Variants in RPS6KA3 observed in about 807,000 individuals in gnomAD.
RPS6KA3 encodes ribosomal protein S6 kinase alpha-3.
Under a neutral mutation model 67.2 loss-of-function variants are expected in RPS6KA3, and 4 were observed. The observed-to-expected ratio is 0.06, with a 90% CI of 0.03 to 0.14. RPS6KA3 has a LOEUF of 0.14. Among genes scored for constraint, RPS6KA3 ranks in the 10% least tolerant of loss-of-function variants. The probability of loss-of-function intolerance (pLI) is 1.00; values close to 1 mark genes in which losing one functional copy is unlikely to be tolerated. For synonymous variants in RPS6KA3, 182 were observed against 183.7 expected, an observed-to-expected ratio of 0.99 and a Z score of 0.07; for missense variants, 204 against 559.0, an observed-to-expected ratio of 0.36 and a Z score of 6.40.
rs750073198 is a variant in RPS6KA3, at chrX:20,152,075, A to C, written c.*3323T>G. Reference sequence around the variant, plus strand: ...GAGTACACTGCATGTGAAATGTGGAAACTCTACAGCATACACACCACAGCT... The same window carrying C: ...GAGTACACTGCATGTGAAATGTGGACACTCTACAGCATACACACCACAGCT... On this transcript the variant is annotated 3_prime_UTR_variant, in exon 22 of 22. Transcript: ENST00000379565. 4.5e-5 allele frequency: 5 copies of C among 112,070 alleles called. No homozygotes were observed. Among genetic ancestry groups the C allele is most frequent in the Non-Finnish European group, 9.4e-5 (5 of 53,234 alleles). 9.2% of individuals were successfully genotyped at this position (112,070 alleles called of 1,213,427 possible).
chrX:20,218,724 A>C, intron 2 of RPS6KA3: 6 of 703,394 alleles, frequency 8.5e-6, no homozygotes, highest in Non-Finnish European at 1.3e-5. Flanking sequence ...TATAAAACGA[A>C]ATAACTAATT....
intron 1 of RPS6KA3, chrX:20,241,545 A>C (rs2069553224): frequency 9.1e-6 from 1 of 109,944 alleles, no homozygotes; most frequent in African/African-American, 3.3e-5. Context: ...CAGGCAGTTT[A>C]ATCAATCAAA....
chrX:20,174,441 C>T (rs1445152810), intron 14 of RPS6KA3, among the ~76,000 whole-genome samples: 7 of 106,618 alleles, frequency 6.6e-5, no homozygotes, highest in African/African-American at 2.4e-4. Flanking sequence ...CTCTGCCTCC[C>T]GGGTTCAAGT....
chrX:20,167,460 T>G, intron 17 of RPS6KA3, 129 bp downstream of exon 17: 1 of 607,275 alleles, frequency 1.6e-6, no homozygotes, highest in Non-Finnish European at 2.8e-6. Context: ...TAGAGGAAGG[T>G]CAGTAGGATA....
At chrX:20,193,235 G>A (rs937508437) in intron 7 of RPS6KA3, among the ~76,000 whole-genome samples, 8 of 110,882 alleles carry the variant, frequency 7.2e-5, no homozygotes, top group South Asian at 3.7e-4. Flanking sequence ...CTGAGATTGC[G>A]CCACTGCACT....
intron 4 of RPS6KA3, among the ~76,000 whole-genome samples, chrX:20,198,880 T>G (rs746207086): frequency 8.9e-6 from 1 of 111,737 alleles, no homozygotes; most frequent in African/African-American, 3.3e-5. Flanking sequence ...TAGGAGTCTA[T>G]CTTTTTTTTG....
intron 1 of RPS6KA3, among the ~76,000 whole-genome samples, chrX:20,252,955 G>A (rs931343056): frequency 4.5e-5 from 5 of 110,917 alleles, no homozygotes; most frequent in Non-Finnish European, 7.6e-5. Context: ...CCTGGCTCAC[G>A]TCACCTTGTT....
intron 19 of RPS6KA3, among the ~76,000 whole-genome samples, chrX:20,162,412 T>A (rs2067326752): frequency 9.2e-6 from 1 of 108,395 alleles, no homozygotes; most frequent in Non-Finnish European, 1.9e-5. Context: ...ATTTAGGACC[T>A]CGAGACATTA....
At chrX:20,169,980 G>A (rs1019073563) in intron 15 of RPS6KA3, among the ~76,000 whole-genome samples, 1 of 112,064 alleles carries the variant, frequency 8.9e-6, no homozygotes, top group Middle Eastern at 4.6e-3. Flanking sequence ...TATCCTGTTA[G>A]CTGTAAGCTA....
At chrX:20,201,883 C>G (rs1011279358) in intron 4 of RPS6KA3, among the ~76,000 whole-genome samples, 4 of 110,147 alleles carry the variant, frequency 3.6e-5, no homozygotes, top group African/African-American at 1.3e-4. Context: ...TATTTCCTCA[C>G]AAGTTTCCTA....
At chrX:20,241,711 AT>A (rs1421437666) in intron 1 of RPS6KA3, 1 of 111,154 alleles carries the variant, frequency 9.0e-6, no homozygotes, top group Non-Finnish European at 1.9e-5. Context: ...GCAGAAAAAA[AT>A]AGGTTATTTC....
At position 20,234,759 on chromosome X, in the gene RPS6KA3, G is replaced by C. The variant is rs2069364268; in HGVS notation, c.125C>G (p.Thr42Ser). 8.6e-7 allele frequency: 1 copy of C among 1,157,031 alleles called. No individual in the cohort carries two copies. The highest frequency in any genetic ancestry group is 1.8e-5 in the African/African-American group (1 of 55,906). ...PMGEEEINPQ[T>S]EEVSIKEIAI... is the part of the protein sequence containing the mutation. ...TTTGTGATAAAATATTTTACTTACAGTTTGTGGGTTAATCTCCTCCTCTCC... is the reference window on the plus strand; with the variant it reads ...TTTGTGATAAAATATTTTACTTACACTTTGTGGGTTAATCTCCTCCTCTCC... Residue 42 changes from threonine to serine, a missense_variant and splice_region_variant, in exon 2 of 22, where the codon ACT becomes AGT. Around this residue, in one of 4 missense-constraint regions of RPS6KA3, gnomAD observed 31 missense variants for 42.5 expected, o/e 0.73. Coordinates refer to ENST00000379565, the MANE Select transcript of RPS6KA3 (RefSeq NM_004586.3).
chrX:20,194,587 G>A (rs1034566567), intron 5 of RPS6KA3, among the ~76,000 whole-genome samples: 15 of 110,698 alleles, frequency 1.4e-4, no homozygotes, highest in Admixed American at 2.9e-4. Flanking sequence ...CATGCCACTA[G>A]CTACAGAAAA....
chrX:20,249,173 T>G (rs765270375), intron 1 of RPS6KA3, among the ~76,000 whole-genome samples: 1 of 112,408 alleles, frequency 8.9e-6, no homozygotes, highest in Admixed American at 9.4e-5. Context: ...GCGAGTAGTA[T>G]TATTCCATGA....
intron 10 of RPS6KA3, among the ~76,000 whole-genome samples, chrX:20,177,958 A>C (rs2067740740): frequency 8.9e-6 from 1 of 112,368 alleles, no homozygotes; most frequent in South Asian, 3.7e-4. Flanking sequence ...TTCTTTTTCC[A>C]AACCTACAAA....
chrX:20,261,678 C>T (rs1397182503), intron 1 of RPS6KA3, among the ~76,000 whole-genome samples: 1 of 112,461 alleles, frequency 8.9e-6, no homozygotes, highest in East Asian at 2.8e-4. Context: ...CAGACACACA[C>T]ACATTTGCGT....
At chrX:20,231,985 A>G (rs1428864479) in intron 2 of RPS6KA3, among the ~76,000 whole-genome samples, 1 of 111,678 alleles carries the variant, frequency 9.0e-6, no homozygotes, top group Non-Finnish European at 1.9e-5. Flanking sequence ...GTATAAGGCA[A>G]TTTTATACAT....
intron 2 of RPS6KA3, among the ~76,000 whole-genome samples, chrX:20,213,566 A>G (rs1176116948): frequency 9.0e-6 from 1 of 111,464 alleles, no homozygotes; most frequent in Admixed American, 9.5e-5. Flanking sequence ...GCTGTATGTA[A>G]TTTTATTAAT....
chrX:20,161,846 T>C (rs2067310937), intron 19 of RPS6KA3, 85 bp from the exon 20 acceptor site: 1 of 248,184 alleles, frequency 4.0e-6, no homozygotes, highest in Non-Finnish European at 6.4e-6. Flanking sequence ...TCAGTTAATG[T>C]AATATTTTAT....
Sources: gnomAD v4.1 joint callset for allele counts (sites outside exome capture counted in the v4.1 genomes callset) on GRCh38, gnomAD v4.1.1 for gene constraint, gnomAD v4.1.1 regional missense constraint, MANE v1.5 for transcripts, NCBI Gene and HGNC (gene_info 2026-07-23, HGNC 2026-07-21) for gene names.